Variants in AKAP19 observed in about 807,000 individuals in gnomAD.
The protein encoded by AKAP19 is small A-kinase anchoring protein.
At chr2:190,159,640 C>T in the AKAP19 span, among the ~76,000 whole-genome samples, 3 of 152,148 alleles carry the variant, frequency 2.0e-5, no homozygotes, top group South Asian at 6.2e-4. Flanking sequence ...ATGACTGCTT[C>T]GTAACCACAT....
At chr2:190,182,818 A>G in the AKAP19 span, among the ~76,000 whole-genome samples, 1 of 152,278 alleles carries the variant, frequency 6.6e-6, no homozygotes, top group African/African-American at 2.4e-5. Context: ...CAAAGGAGAC[A>G]AAAATAAAGG....
the AKAP19 span, among the ~76,000 whole-genome samples, chr2:189,998,973 T>C: frequency 6.6e-6 from 1 of 151,950 alleles, no homozygotes; most frequent in Non-Finnish European, 1.5e-5. Context: ...GGTTTTACCA[T>C]GTTGGCTAGG....
At chr2:190,000,260 C>A in the AKAP19 span, among the ~76,000 whole-genome samples, 3 of 152,152 alleles carry the variant, frequency 2.0e-5, no homozygotes, top group Non-Finnish European at 4.4e-5. Flanking sequence ...TGTGACCAAC[C>A]ATTTCAGTAA....
At chr2:189,910,577 TTC>T in the AKAP19 span, among the ~76,000 whole-genome samples, 2 of 151,958 alleles carry the variant, frequency 1.3e-5, no homozygotes, top group African/African-American at 4.8e-5. Flanking sequence ...TTAAGATATA[TTC>T]TCTTTTTCTC....
the AKAP19 span, chr2:190,060,036 T>C: frequency 6.2e-7 from 1 of 1,603,350 alleles, no homozygotes; most frequent in Non-Finnish European, 8.5e-7. Context: ...AAGGTTATTA[T>C]AATGTTATTT....
chr2:190,030,291 C>T, the AKAP19 span, among the ~76,000 whole-genome samples: 9 of 152,288 alleles, frequency 5.9e-5, no homozygotes, highest in African/African-American at 1.9e-4. Flanking sequence ...ATTGTATTAT[C>T]TCGGTCTTCT....
At chr2:190,096,863 G>C in the AKAP19 span, among the ~76,000 whole-genome samples, 1 of 152,102 alleles carries the variant, frequency 6.6e-6, no homozygotes, top group South Asian at 2.1e-4. Flanking sequence ...TCCTCACATG[G>C]TGGAAGACAG....
At chr2:190,202,311 A>C in the AKAP19 span, 4 of 167,064 alleles carry the variant, frequency 2.4e-5, no homozygotes, top group Non-Finnish European at 4.4e-5. Flanking sequence ...TGAAACACTT[A>C]TGTCTGAAAT....
chr2:190,057,912 G>C, the AKAP19 span, among the ~76,000 whole-genome samples: 1 of 151,892 alleles, frequency 6.6e-6, no homozygotes, highest in South Asian at 2.1e-4. Flanking sequence ...AGATTGCCTG[G>C]CACATAATGG....
chr2:190,112,171 C>T, the AKAP19 span, among the ~76,000 whole-genome samples: 1 of 152,156 alleles, frequency 6.6e-6, no homozygotes, highest in Non-Finnish European at 1.5e-5. Context: ...TATTTTCTTC[C>T]CACTTCTGCA....
the AKAP19 span, chr2:190,056,803 A>G: frequency 5.5e-6 from 1 of 182,116 alleles, no homozygotes; most frequent in Admixed American, 5.4e-5. Context: ...GTATACTACC[A>G]TACAATATAA....
the AKAP19 span, chr2:189,917,668 C>A: frequency 3.4e-6 from 1 of 298,484 alleles, no homozygotes; most frequent in South Asian, 4.3e-5. Context: ...ATTTCGGTAT[C>A]ATTACCATTA....
At chr2:190,045,331 C>T in the AKAP19 span, among the ~76,000 whole-genome samples, 6 of 152,182 alleles carry the variant, frequency 3.9e-5, no homozygotes, top group Non-Finnish European at 4.4e-5. Context: ...AGCTAAGTCA[C>T]CCAAACAGCA....
At chr2:190,056,683 T>C in the AKAP19 span, 1 of 152,754 alleles carries the variant, frequency 6.5e-6, no homozygotes, top group African/African-American at 2.4e-5. Context: ...ATTCAGCCTA[T>C]CGTATTAGCA....
chr2:190,034,534 CAAAAAAAAA>C, the AKAP19 span, among the ~76,000 whole-genome samples: 15 of 68,268 alleles, frequency 2.2e-4, no homozygotes, highest in East Asian at 4.1e-4. Flanking sequence ...GGCTACAGTG[CAAAAAAAAA>C]AAAAAAAAAA....
the AKAP19 span, among the ~76,000 whole-genome samples, chr2:190,075,485 A>G: frequency 4.6e-5 from 7 of 152,116 alleles, no homozygotes; most frequent in Non-Finnish European, 1.0e-4. Flanking sequence ...TTCATTTGTC[A>G]GTTTTTAAAT....
chr2:189,984,298 A>G, the AKAP19 span, among the ~76,000 whole-genome samples: 2 of 152,146 alleles, frequency 1.3e-5, no homozygotes, highest in Non-Finnish European at 2.9e-5. Flanking sequence ...GGGCCAGTTC[A>G]GAGACCTACC....
chr2:190,167,148 A>G, the AKAP19 span, among the ~76,000 whole-genome samples: 2 of 152,244 alleles, frequency 1.3e-5, no homozygotes, highest in Non-Finnish European at 2.9e-5. Flanking sequence ...TATTGGACTT[A>G]CAGTTGCATG....
chr2:190,032,718 G>GTT, the AKAP19 span, among the ~76,000 whole-genome samples: 1 of 142,136 alleles, frequency 7.0e-6, no homozygotes, highest in African/African-American at 2.6e-5. Flanking sequence ...TTAGAGTTTT[G>GTT]TTTTTTTTTT....
Sources: allele counts gnomAD v4.1 joint callset (sites outside exome capture counted in the v4.1 genomes callset), GRCh38; gene constraint gnomAD v4.1.1; transcripts MANE v1.5; gene names NCBI Gene and HGNC (gene_info 2026-07-23, HGNC 2026-07-21).